Variants in PAX9 observed in about 807,000 individuals in gnomAD.
PAX9 encodes the protein paired box protein Pax-9.
Under a neutral mutation model 29.1 loss-of-function variants are expected in PAX9, and 6 were observed. The observed-to-expected ratio is 0.21, with a 90% CI of 0.11 to 0.41. The LOEUF is 0.41. Ranked by LOEUF, PAX9 falls within the 10% of genes least tolerant of loss-of-function variation. The pLI, the probability that PAX9 is intolerant of heterozygous loss-of-function variation, is 1.00. For missense variants in PAX9, 443 were observed against 479.1 expected (o/e 0.92, Z 0.70); for synonymous variants, 217 against 211.7 (o/e 1.03, Z -0.22).
At chr14:36,674,631 A>G (rs781187231) in intron 3 of PAX9, among the ~76,000 whole-genome samples, 1 of 152,220 alleles carries the variant, frequency 6.6e-6, no homozygotes, top group Non-Finnish European at 1.5e-5. Flanking sequence ...GATAAACTCA[A>G]TCATTTATAA....
chr14:36,675,216 AG>A, intron 3 of PAX9, among the ~76,000 whole-genome samples: 1 of 152,330 alleles, frequency 6.6e-6, no homozygotes, highest in South Asian at 2.1e-4. Flanking sequence ...ATAAAAATTG[AG>A]GGGAAAAAAT....
upstream of PAX9, chr14:36,661,765 C>G (rs770732433): frequency 2.2e-6 from 1 of 460,862 alleles, no homozygotes; most frequent in Non-Finnish European, 3.9e-6. Flanking sequence ...TGTCGCTCAC[C>G]GACCCGCACC....
Position 36,666,562 on chromosome 14 carries a change from G to A in PAX9, c.732G>A (p.Leu244=). Residue 244 remains leucine, a synonymous_variant, in exon 3 of 4, where the codon TTG becomes TTA. Transcript: ENST00000361487. ...CCGCCCCGCACGCGGTGAACGGGTT[G>A]GAGAAGGGAGCCCTGGAGCAGGAAG... ...PAAAPHAVNG[L]EKGALEQEAK... The A allele has an allele frequency of 1.3e-6, 2 of 1,578,342 alleles. No homozygotes were observed. Among genetic ancestry groups the A allele is most frequent in the Non-Finnish European group, 1.7e-6 (2 of 1,161,936 alleles).
upstream of PAX9, among the ~76,000 whole-genome samples, chr14:36,659,481 A>C (rs1023146601): frequency 6.6e-6 from 1 of 152,136 alleles, no homozygotes; most frequent in Non-Finnish European, 1.5e-5. Flanking sequence ...TCTTGCTCCC[A>C]GAGCGGGGTC....
chr14:36,672,299 C>T (rs1294918513), intron 3 of PAX9, among the ~76,000 whole-genome samples: 1 of 151,430 alleles, frequency 6.6e-6, no homozygotes, highest in East Asian at 2.0e-4. Flanking sequence ...TTGGTAGTCT[C>T]TACTCAGCCT....
chr14:36,673,938 C>G (rs1881788913), intron 3 of PAX9, among the ~76,000 whole-genome samples: 1 of 152,132 alleles, frequency 6.6e-6, no homozygotes, highest in Non-Finnish European at 1.5e-5. Context: ...AAACATTAGT[C>G]AATGCTGGAA....
Position 36,678,305 on chromosome 14 carries a change from C to T in PAX9, c.*1853C>T. The T allele has an allele frequency of 1.8e-6, 1 of 557,978 alleles. No individual in the cohort carries two copies. Among genetic ancestry groups the T allele is most frequent in the South Asian group, 2.8e-5 (1 of 36,214 alleles). The allele number at this position is 557,978 out of a possible 1,614,324, so 34.6% of individuals were successfully genotyped here. On this transcript the variant is annotated 3_prime_UTR_variant, in exon 4 of 4. Transcript: ENST00000361487. ...TGTTAGAGTGACTGCTTTTTTCAGACAGCAGATATCTTATAGAGAGCTTTG... is the reference window on the plus strand; with the variant it reads ...TGTTAGAGTGACTGCTTTTTTCAGATAGCAGATATCTTATAGAGAGCTTTG...
chr14:36,659,754 A>C (rs1881186314), upstream of PAX9, among the ~76,000 whole-genome samples: 1 of 152,156 alleles, frequency 6.6e-6, no homozygotes, highest in South Asian at 2.1e-4. Context: ...CTATGTGAGA[A>C]CTGGGAAGAT....
At chr14:36,661,859 C>T (rs1026516720), upstream of PAX9, 3 of 619,198 alleles carry the variant, frequency 4.8e-6, no homozygotes, top group African/African-American at 3.7e-5. Context: ...CTGCCCTGCT[C>T]AGCCCAGCCC....
At chr14:36,670,858 A>G (rs1468669486) in intron 3 of PAX9, among the ~76,000 whole-genome samples, 1 of 152,104 alleles carries the variant, frequency 6.6e-6, no homozygotes, top group Non-Finnish European at 1.5e-5. Context: ...CATTTCTTAG[A>G]GACATTTACA....
At chr14:36,673,199 G>A (rs1335918781) in intron 3 of PAX9, among the ~76,000 whole-genome samples, 1 of 151,904 alleles carries the variant, frequency 6.6e-6, no homozygotes, top group Non-Finnish European at 1.5e-5. Context: ...AACCATCTCC[G>A]AGCTTCTCTT....
At chr14:36,665,280 A>G (rs542399336) in intron 2 of PAX9, among the ~76,000 whole-genome samples, 3 of 152,058 alleles carry the variant, frequency 2.0e-5, no homozygotes, top group East Asian at 3.9e-4. Flanking sequence ...AATGGAAAGG[A>G]GCAACTTTTC....
intron 3 of PAX9, among the ~76,000 whole-genome samples, chr14:36,672,708 C>T (rs1005689634): frequency 6.0e-3 from 1 of 166 alleles, no homozygotes; most frequent in Admixed American, 0.12. Context: ...TCCAGACCCC[C>T]AAGCTAGGGT....
At position 36,663,403 on chromosome 14, in the gene PAX9, G is replaced by C. The variant is rs143020311; in HGVS notation, c.511G>C (p.Ala171Pro). The C allele has an allele frequency of 1.2e-6, 2 of 1,613,132 alleles. No homozygotes were observed. Among genetic ancestry groups the C allele is most frequent in the Non-Finnish European group, 1.7e-6 (2 of 1,179,850 alleles). ...SYPSPITAAA[A>P]KVPTPPGVPA... Reference sequence around the variant, plus strand: ...CCCCAGCCCTATCACGGCGGCGGCCGCCAAGGTGCCCACGCCACCCGGGGT... The same window carrying C: ...CCCCAGCCCTATCACGGCGGCGGCCCCCAAGGTGCCCACGCCACCCGGGGT... Residue 171 changes from alanine to proline, a missense_variant, in exon 2 of 4, where the codon GCC (alanine) becomes CCC (proline). Ala to Pro is a conservative substitution (Grantham distance 27). Around this residue, in one of 2 missense-constraint regions of PAX9, gnomAD observed 336 missense variants for 317.2 expected, o/e 1.06. Transcript: ENST00000361487.
At position 36,663,427 on chromosome 14, in the gene PAX9, G is replaced by A. The variant is rs376393242; in HGVS notation, c.535G>A (p.Val179Met). The change falls in exon 2 of 4, where the codon GTG becomes ATG. Residue 179 changes from valine (V) to methionine (M), a missense_variant. Coordinates refer to ENST00000361487, the MANE Select transcript of PAX9 (RefSeq NM_001372076.1). ...CGCCAAGGTGCCCACGCCACCCGGG[G>A]TGCCTGCCATCCCCGGTTCGGTGGC... is the stretch of plus-strand genomic sequence containing the variant. ...AAAKVPTPPG[V>M]PAIPGSVAMP... 6.2e-7 allele frequency: 1 copy of A among 1,613,006 alleles called. No individual in the cohort carries two copies. Among genetic ancestry groups the A allele is most frequent in the Non-Finnish European group, 8.5e-7 (1 of 1,179,718 alleles).
upstream of PAX9, among the ~76,000 whole-genome samples, chr14:36,658,351 G>A (rs1281733013): frequency 6.7e-6 from 1 of 149,256 alleles, no homozygotes; most frequent in Admixed American, 6.6e-5. Context: ...CAAGAGGCGG[G>A]CACCGTCGCC....
At chr14:36,666,430 TC>T (rs1394299682) in intron 2 of PAX9, 31 bp from the exon 3 acceptor site, 1 of 1,603,200 alleles carries the variant, frequency 6.2e-7, no homozygotes, top group Non-Finnish European at 8.5e-7. Flanking sequence ...GGGCTGGGCC[TC>T]CGGCCTGACA....
At chr14:36,659,072 T>C (rs1216148568), upstream of PAX9, among the ~76,000 whole-genome samples, 2 of 152,372 alleles carry the variant, frequency 1.3e-5, no homozygotes, top group African/African-American at 4.8e-5. Flanking sequence ...TCGACGCGGC[T>C]AGGGAAAGGC....
upstream of PAX9, among the ~76,000 whole-genome samples, chr14:36,659,622 C>A (rs1881180936): frequency 6.6e-6 from 1 of 152,232 alleles, no homozygotes; most frequent in South Asian, 2.1e-4. Flanking sequence ...GCCGCCAGAG[C>A]TGCGGACAGG....
Sources: gnomAD v4.1 joint callset for allele counts (sites outside exome capture counted in the v4.1 genomes callset) on GRCh38, gnomAD v4.1.1 for gene constraint, gnomAD v4.1.1 regional missense constraint, MANE v1.5 for transcripts, NCBI Gene and HGNC (gene_info 2026-07-23, HGNC 2026-07-21) for gene names.